PPM1H: variants seen among roughly 807,000 people sequenced by gnomAD.
PPM1H encodes protein phosphatase, Mg2+/Mn2+ dependent 1H.
Under a neutral mutation model 54.9 loss-of-function variants are expected in PPM1H, and 27 were observed. The observed-to-expected ratio is 0.49, with a 90% CI of 0.36 to 0.68. PPM1H has a LOEUF of 0.68. Among genes scored for constraint, PPM1H ranks in the 30% least tolerant of loss-of-function variants. The pLI is 0.00. For missense variants in PPM1H, 596 were observed against 667.8 expected, an observed-to-expected ratio of 0.89 and a Z score of 1.19; for synonymous variants, 305 against 270.8, an observed-to-expected ratio of 1.13 and a Z score of -1.24.
intron 1 of PPM1H, among the ~76,000 whole-genome samples, chr12:62,839,893 C>G (rs560562588): frequency 7.7e-6 from 1 of 130,470 alleles, no homozygotes; most frequent in Non-Finnish European, 1.6e-5. Context: ...AAAAAAAACA[C>G]CCAGTGTGGT....
At chr12:62,709,152 C>T (rs1433213587) in intron 6 of PPM1H, among the ~76,000 whole-genome samples, 2 of 152,174 alleles carry the variant, frequency 1.3e-5, no homozygotes, top group Non-Finnish European at 2.9e-5. Flanking sequence ...TTATGTGAGC[C>T]TCCCGGGACT....
rs61003358 is a variant in PPM1H, at chr12:62,932,628, C to CTTTTTTTTTTTTTTTTTTTTTTTTTT, written c.245+1863_245+1864insAAAAAAAAAAAAAAAAAAAAAAAAAA. 3.7e-4 allele frequency among the ~76,000 whole-genome samples: 20 copies of CTTTTTTTTTTTTTTTTTTTTTTTTTT among 54,006 alleles called. 6 individuals are homozygous for CTTTTTTTTTTTTTTTTTTTTTTTTTT. Among genetic ancestry groups the CTTTTTTTTTTTTTTTTTTTTTTTTTT allele is most frequent in the Non-Finnish European group, 4.5e-4 (14 of 31,118 alleles). The allele number at this position is 54,006 out of a possible 152,430, so 35.4% of individuals were successfully genotyped here. On this transcript the variant is annotated intron_variant, in intron 1 of 9. Transcript: ENST00000228705. ...CTGTCTCGTAAAGGGTCCAAATGGGCTTTTTTTTTTTTTTTTTTTTTTTGA... is the reference window on the plus strand; with the variant it reads ...CTGTCTCGTAAAGGGTCCAAATGGGCTTTTTTTTTTTTTTTTTTTTTTTTTTTTTTTTTTTTTTTTTTTTTTTTTGA...
At chr12:62,816,139 C>T (rs2076865050) in intron 2 of PPM1H, among the ~76,000 whole-genome samples, 2 of 152,238 alleles carry the variant, frequency 1.3e-5, no homozygotes, top group South Asian at 4.2e-4. Flanking sequence ...TTTTCCTGCT[C>T]CATGTCTCAA....
chr12:62,756,131 C>T lies in PPM1H; in HGVS notation c.870-18545G>A, dbSNP rs1167387627. The T allele has an allele frequency of 8.2e-6, 7 of 851,660 alleles. No individual in the cohort carries two copies. In the African/African-American group the frequency reaches 8.3e-5, roughly 10 times the overall value. The allele number at this position is 851,660 out of a possible 1,614,324, so 52.8% of individuals were successfully genotyped here. A position where few individuals can be genotyped will look rare whatever the true frequency, so the allele number is the denominator to read the frequency against. On this transcript the variant is annotated intron_variant, in intron 4 of 9. Transcript: ENST00000228705. ...CCTTTGATGCTGGGGATGGCATTGA[C>T]CTCAACGACCACTTTGTCAAGCTCA...
intron 4 of PPM1H, among the ~76,000 whole-genome samples, chr12:62,739,798 C>T (rs747404126): frequency 2.6e-5 from 4 of 152,112 alleles, no homozygotes; most frequent in Non-Finnish European, 4.4e-5. Context: ...ATTTGAGGCC[C>T]GAAGAGAAAA....
intron 4 of PPM1H, among the ~76,000 whole-genome samples, chr12:62,774,847 C>T (rs750832962): frequency 7.2e-5 from 11 of 152,162 alleles, no homozygotes; most frequent in African/African-American, 9.7e-5. Flanking sequence ...ATCTCAGAAA[C>T]GGAGGAGGTA....
intron 1 of PPM1H, among the ~76,000 whole-genome samples, chr12:62,917,863 TTTTCGTGCTGTTAGA>T (rs1319847035): frequency 2.6e-5 from 4 of 152,160 alleles, no homozygotes; most frequent in Non-Finnish European, 5.9e-5. Flanking sequence ...CATACTTGGT[TTTTCGTGCTGTTAGA>T]TTTAGACATT....
chr12:62,728,220 G>A (rs766765365), intron 5 of PPM1H, among the ~76,000 whole-genome samples: 1 of 152,150 alleles, frequency 6.6e-6, no homozygotes, highest in Non-Finnish European at 1.5e-5. Context: ...ACTCTAAAGA[G>A]CACAGATTTG....
intron 4 of PPM1H, among the ~76,000 whole-genome samples, chr12:62,762,832 G>C (rs2076517768): frequency 6.6e-6 from 1 of 152,164 alleles, no homozygotes; most frequent in South Asian, 2.1e-4. Flanking sequence ...GCTAAAAATA[G>C]GGGCAATACC....
chr12:62,922,418 C>T (rs990385373), intron 1 of PPM1H, among the ~76,000 whole-genome samples: 5 of 151,620 alleles, frequency 3.3e-5, no homozygotes, highest in Non-Finnish European at 5.9e-5. Flanking sequence ...GGACAGCCTG[C>T]GATTCTAAAG....
chr12:62,851,440 C>T (rs1241768434), intron 1 of PPM1H, among the ~76,000 whole-genome samples: 2 of 152,212 alleles, frequency 1.3e-5, no homozygotes, highest in Admixed American at 1.3e-4. Flanking sequence ...CAGTGGCTCA[C>T]GCCTGTAATC....
intron 8 of PPM1H, among the ~76,000 whole-genome samples, chr12:62,683,421 AC>A (rs2076034328): frequency 2.0e-5 from 3 of 152,198 alleles, no homozygotes; most frequent in Admixed American, 2.0e-4. Context: ...AAGAGAAAAG[AC>A]AGGCTGTGAT....
intron 1 of PPM1H, among the ~76,000 whole-genome samples, chr12:62,894,944 A>G (rs1441821154): frequency 6.6e-6 from 1 of 152,374 alleles, no homozygotes; most frequent in East Asian, 1.9e-4. Flanking sequence ...GCAACTTTGT[A>G]AAACTTAAGT....
At chr12:62,707,533 A>G (rs748951203) in intron 6 of PPM1H, among the ~76,000 whole-genome samples, 5 of 152,204 alleles carry the variant, frequency 3.3e-5, no homozygotes, top group Non-Finnish European at 5.9e-5. Context: ...AGGGCTGCCC[A>G]AAGTCAATGT....
intron 5 of PPM1H, among the ~76,000 whole-genome samples, chr12:62,733,281 T>A (rs1011964625): frequency 1.3e-5 from 2 of 152,022 alleles, no homozygotes; most frequent in Non-Finnish European, 2.9e-5. Flanking sequence ...CAAGATGGAG[T>A]CTTGCTCTGT....
intron 4 of PPM1H, among the ~76,000 whole-genome samples, chr12:62,743,207 G>T (rs1040401959): frequency 2.0e-5 from 3 of 152,058 alleles, no homozygotes; most frequent in Non-Finnish European, 4.4e-5. Flanking sequence ...ACAAAAATTA[G>T]CTGGGTGTGG....
intron 1 of PPM1H, among the ~76,000 whole-genome samples, chr12:62,871,940 G>A (rs146779883): frequency 6.6e-6 from 1 of 152,268 alleles, no homozygotes; most frequent in African/African-American, 2.4e-5. Flanking sequence ...CTCTTACAGT[G>A]GGTCACAGAA....
At chr12:62,829,808 A>C (rs1868330878) in intron 2 of PPM1H, among the ~76,000 whole-genome samples, 2 of 152,248 alleles carry the variant, frequency 1.3e-5, no homozygotes, top group African/African-American at 2.4e-5. Flanking sequence ...ACTCAGTAAA[A>C]AGGAAAAATG....
chr12:62,804,716 C>A (rs1486186701), intron 2 of PPM1H, among the ~76,000 whole-genome samples: 2 of 140,562 alleles, frequency 1.4e-5, no homozygotes, highest in Non-Finnish European at 3.0e-5. Flanking sequence ...CGCTCTGTCG[C>A]CCAGGCTGGA....
Sources: gnomAD v4.1 joint callset for allele counts (sites outside exome capture counted in the v4.1 genomes callset) on GRCh38, gnomAD v4.1.1 for gene constraint, MANE v1.5 for transcripts, NCBI Gene and HGNC (gene_info 2026-07-23, HGNC 2026-07-21) for gene names.